The following TRIM71 variants were observed in gnomAD, a reference collection of about 807,000 sequenced individuals.
TRIM71 encodes tripartite motif containing 71.
A neutral mutation model predicts 61.2 loss-of-function variants in TRIM71; 9 were observed. The ratio of observed to expected loss-of-function variants is 0.15; its 90% CI spans 0.09 to 0.26. The LOEUF (loss-of-function observed/expected upper bound fraction) is 0.26. TRIM71 is among the 10% of genes least tolerant of loss of function. TRIM71 has a pLI of 1.00. For synonymous variants in TRIM71, 645 were observed against 553.2 expected (o/e 1.17, Z -2.33); for missense variants, 998 against 1,238.7 (o/e 0.81, Z 2.92).
intron 1 of TRIM71, among the ~76,000 whole-genome samples, chr3:32,821,322 C>G (rs1016727885): frequency 1.3e-5 from 2 of 152,034 alleles, no homozygotes; most frequent in Non-Finnish European, 2.9e-5. Flanking sequence ...GAGTTGCTTC[C>G]CTTGTCCACA....
rs780093797 is a variant in TRIM71 at position 32,891,675 on chromosome 3, A to G, written c.2471A>G (p.Asn824Ser). Residue 824 changes from asparagine (N) to serine (S), a missense_variant, in exon 4 of 4, where the codon AAC becomes AGC. By Grantham distance (46) the Asn-to-Ser change is conservative. Around this residue, in one of 5 missense-constraint regions of TRIM71, gnomAD observed 95 missense variants for 159.0 expected, o/e 0.60. Transcript: ENST00000383763. The surrounding 1 kb of genome is among the most constrained non-coding windows in gnomAD (Gnocchi z 8.2). ...RNHRVQMFES[N>S]GSFLCKFGAQ... is the part of the protein sequence containing the mutation. ...CATCGGGTACAGATGTTTGAATCCAACGGCAGCTTCCTGTGCAAGTTTGGT... is the reference window on the plus strand; with the variant it reads ...CATCGGGTACAGATGTTTGAATCCAGCGGCAGCTTCCTGTGCAAGTTTGGT... 1.7e-5 allele frequency: 27 copies of G among 1,613,898 alleles called. No homozygotes were observed. Among genetic ancestry groups the G allele is most frequent in the East Asian group, 2.2e-5 (1 of 44,892 alleles).
At chr3:32,871,701 T>G (rs976352400) in intron 1 of TRIM71, among the ~76,000 whole-genome samples, 4 of 152,222 alleles carry the variant, frequency 2.6e-5, no homozygotes, top group African/African-American at 9.6e-5. Context: ...TTAGATAATC[T>G]CTGAAGGATA....
At chr3:32,858,329 T>C (rs1696629312) in intron 1 of TRIM71, among the ~76,000 whole-genome samples, 1 of 152,232 alleles carries the variant, frequency 6.6e-6, no homozygotes, top group South Asian at 2.1e-4. Context: ...CTGCCCAGAC[T>C]GACGGTCGAA....
intron 1 of TRIM71, among the ~76,000 whole-genome samples, chr3:32,827,552 C>T (rs1292038491): frequency 1.3e-5 from 2 of 152,134 alleles, no homozygotes; most frequent in African/African-American, 4.8e-5. Context: ...TGAGCCACCG[C>T]GCCTTGCAAG....
chr3:32,874,236 C>T (rs979939960), intron 2 of TRIM71, among the ~76,000 whole-genome samples: 2 of 152,120 alleles, frequency 1.3e-5, no homozygotes, highest in Admixed American at 1.3e-4. Flanking sequence ...ACCACCTGCA[C>T]GTGTCCCACC....
rs749110760 is a variant in TRIM71, at chr3:32,871,925, C to T, written c.853-1893C>T. Among the ~76,000 whole-genome samples the T allele has an allele frequency of 5.9e-5, 9 of 152,150 alleles. 1 individual carries two copies. The South Asian group carries it at 1.2e-3, about 21-fold the overall frequency. ...TTGGGAGGCCAAGGTGGGTGGATCA[C>T]GAGGTCAGAAGATCGAGACCATCCT... is the stretch of plus-strand genomic sequence containing the variant. On this transcript the variant is annotated intron_variant, in intron 1 of 3. Transcript: ENST00000383763.
intron 1 of TRIM71, among the ~76,000 whole-genome samples, chr3:32,871,070 G>A (rs543131783): frequency 6.6e-6 from 1 of 151,680 alleles, no homozygotes; most frequent in Non-Finnish European, 1.5e-5. Context: ...CCAGCTACTA[G>A]AACTTAATTT....
intron 1 of TRIM71, among the ~76,000 whole-genome samples, chr3:32,860,407 C>T (rs1469586251): frequency 6.6e-6 from 1 of 152,028 alleles, no homozygotes; most frequent in Non-Finnish European, 1.5e-5. Flanking sequence ...CCACCTGCCT[C>T]GGACTCCCAA....
At chr3:32,853,845 A>G (rs113116110) in intron 1 of TRIM71, among the ~76,000 whole-genome samples, 3 of 152,288 alleles carry the variant, frequency 2.0e-5, no homozygotes, top group African/African-American at 7.2e-5. Context: ...TATCTCGACT[A>G]AAAATACAAA....
chr3:32,818,791 C>T lies in TRIM71; in HGVS notation c.711C>T (p.Tyr237=), dbSNP rs201470549. ...GCGTGCGCCTCACCAAGGACCACTA[C>T]ATCGAGCGCGGCCCGCCGGGTCCCG... The part of the protein sequence containing the change: ...HQRVRLTKDH[Y]IERGPPGPGA... The change falls in exon 1 of 4, where the codon TAC becomes TAT. Residue 237 remains tyrosine, a synonymous_variant. Coordinates refer to ENST00000383763, the MANE Select transcript of TRIM71 (RefSeq NM_001039111.3). 29 of 1,608,424 alleles carry T rather than the reference C, an allele frequency of 1.8e-5. No homozygotes were observed. The highest frequency in any genetic ancestry group is 2.4e-5 in the Non-Finnish European group (28 of 1,178,154).
At chr3:32,843,408 C>A (rs1348990004) in intron 1 of TRIM71, among the ~76,000 whole-genome samples, 1 of 152,110 alleles carries the variant, frequency 6.6e-6, no homozygotes, top group Non-Finnish European at 1.5e-5. Flanking sequence ...TTGGTTTGCC[C>A]AGCTCTTGGG....
Position 32,818,153 on chromosome 3 carries a change from C to G in TRIM71, c.73C>G (p.Leu25Val). 1 of 1,610,702 alleles carries G rather than the reference C, an allele frequency of 6.2e-7. No individual in the cohort carries two copies. The highest frequency in any genetic ancestry group is 8.5e-7 in the Non-Finnish European group (1 of 1,178,710). ...CKEMCGSPAP[L>V]SSNSSASSSS... ...GGAGATGTGCGGCTCGCCGGCGCCGCTCTCCTCCAACTCGTCCGCGTCGTC... is the reference window on the plus strand; with the variant it reads ...GGAGATGTGCGGCTCGCCGGCGCCGGTCTCCTCCAACTCGTCCGCGTCGTC... Residue 25 changes from leucine (L) to valine (V), a missense_variant, in exon 1 of 4, where the codon CTC becomes GTC. Leu to Val is a conservative substitution (Grantham distance 32). Around this residue, in one of 5 missense-constraint regions of TRIM71, gnomAD observed 527 missense variants for 427.8 expected, o/e 1.23. Coordinates refer to ENST00000383763, the MANE Select transcript of TRIM71 (RefSeq NM_001039111.3).
At chr3:32,885,125 C>A (rs1363685546) in intron 2 of TRIM71, among the ~76,000 whole-genome samples, 1 of 152,144 alleles carries the variant, frequency 6.6e-6, no homozygotes, top group Non-Finnish European at 1.5e-5. Context: ...TAAGCCCATA[C>A]CAGGCTCCAG....
intron 1 of TRIM71, among the ~76,000 whole-genome samples, chr3:32,845,917 C>G (rs1474645968): frequency 1.3e-5 from 2 of 151,450 alleles, no homozygotes; most frequent in African/African-American, 4.9e-5. Context: ...GACAGGGTTT[C>G]GCCATGTTGG....
intron 1 of TRIM71, among the ~76,000 whole-genome samples, chr3:32,827,731 G>T (rs1384313191): frequency 6.6e-6 from 1 of 152,192 alleles, no homozygotes; most frequent in Non-Finnish European, 1.5e-5. Flanking sequence ...CTGACACCCT[G>T]TGAATTCCAG....
At chr3:32,846,392 A>C (rs1252415622) in intron 1 of TRIM71, among the ~76,000 whole-genome samples, 1 of 152,116 alleles carries the variant, frequency 6.6e-6, no homozygotes, top group Non-Finnish European at 1.5e-5. Flanking sequence ...CTTATTTTTA[A>C]ATTGGCATAA....
chr3:32,819,095 C>G (rs549947239), intron 1 of TRIM71, among the ~76,000 whole-genome samples, 163 bp downstream of exon 1: 1 of 152,206 alleles, frequency 6.6e-6, no homozygotes, highest in Non-Finnish European at 1.5e-5. Flanking sequence ...AGATCATGAC[C>G]TGGGAAGTAT....
intron 1 of TRIM71, among the ~76,000 whole-genome samples, chr3:32,849,213 G>T (rs572188792): frequency 2.6e-5 from 4 of 152,194 alleles, no homozygotes; most frequent in Non-Finnish European, 5.9e-5. Flanking sequence ...CTACTACTTG[G>T]TAGTTAAACA....
chr3:32,851,280 C>G (rs1696535859), intron 1 of TRIM71, among the ~76,000 whole-genome samples: 1 of 152,112 alleles, frequency 6.6e-6, no homozygotes. Context: ...GAACTGAATA[C>G]AGTTGGTAAT....
Sources: gnomAD v4.1 joint callset for allele counts (sites outside exome capture counted in the v4.1 genomes callset) on GRCh38, gnomAD v4.1.1 for gene constraint, gnomAD v4.1.1 regional missense constraint, Gnocchi (gnomAD v3.1) non-coding constraint, MANE v1.5 for transcripts, NCBI Gene and HGNC (gene_info 2026-07-23, HGNC 2026-07-21) for gene names.